The following PLS3 variants were observed in gnomAD, a reference collection of about 807,000 sequenced individuals.
The protein encoded by PLS3 is plastin-3.
A neutral mutation model predicts 46.5 loss-of-function variants in PLS3; 11 were observed. The ratio of observed to expected loss-of-function variants is 0.24; its 90% CI spans 0.15 to 0.39. The LOEUF is 0.39. Ranked by LOEUF, PLS3 falls within the 10% of genes least tolerant of loss-of-function variation. The pLI is 1.00. For synonymous variants in PLS3, 167 were observed against 162.2 expected (o/e 1.03, Z -0.22); for missense variants, 308 against 461.8 (o/e 0.67, Z 3.05).
intron 3 of PLS3, among the ~76,000 whole-genome samples, chrX:115,624,549 A>G (rs782267903): frequency 9.1e-6 from 1 of 109,374 alleles, no homozygotes; most frequent in African/African-American, 3.6e-5. Flanking sequence ...TTAATCTATT[A>G]GAAAGAACAG....
At chrX:115,567,461 C>G (rs782332782) in intron 1 of PLS3, among the ~76,000 whole-genome samples, 2 of 109,788 alleles carry the variant, frequency 1.8e-5, no homozygotes, top group African/African-American at 6.6e-5. Flanking sequence ...CACGGTGGCA[C>G]GGGCTTGTAG....
intron 1 of PLS3, among the ~76,000 whole-genome samples, chrX:115,585,931 T>G (rs1274443142): frequency 9.0e-6 from 1 of 111,584 alleles, no homozygotes; most frequent in Non-Finnish European, 1.9e-5. Context: ...TTTTAAACCC[T>G]TTCTGTGCTA....
chrX:115,646,957 A>G (rs1556641775), intron 13 of PLS3, among the ~76,000 whole-genome samples: 1 of 112,358 alleles, frequency 8.9e-6, no homozygotes, highest in Non-Finnish European at 1.9e-5. Flanking sequence ...TTATGCCATT[A>G]CCGCTATTGG....
chrX:115,640,164 CATT>C, intron 8 of PLS3: 1 of 1,017,341 alleles, frequency 9.8e-7, no homozygotes, highest in Non-Finnish European at 1.3e-6. Flanking sequence ...TGTTTATTAG[CATT>C]ATTGTATTGA....
chrX:115,592,807 G>A (rs781899560), intron 1 of PLS3, among the ~76,000 whole-genome samples: 14 of 111,129 alleles, frequency 1.3e-4, no homozygotes, highest in South Asian at 3.8e-4. Context: ...TCTTCATCCC[G>A]GGATGAGAAA....
intron 1 of PLS3, among the ~76,000 whole-genome samples, chrX:115,607,284 CAACA>C (rs1458143045): frequency 2.1e-3 from 15 of 7,082 alleles, no homozygotes; most frequent in East Asian, 0.33. Flanking sequence ...ACAACAACAA[CAACA>C]AAAAAAAAAC....
intron 1 of PLS3, among the ~76,000 whole-genome samples, chrX:115,596,996 C>T (rs1364695215): frequency 3.7e-5 from 4 of 108,697 alleles, no homozygotes; most frequent in Non-Finnish European, 7.6e-5. Flanking sequence ...AATACAAAAA[C>T]TAGCCAGGCA....
Position 115,567,075 on chromosome X carries a change from C to G in PLS3, c.-9+5815C>G, listed in dbSNP as rs782288973. ...TGTTTTTCCCCTTTTTAACTAACTA[C>G]TGAGTAGAATTTTGGTCTTCAGTGG... On this transcript the variant is annotated intron_variant, in intron 1 of 15. Coordinates refer to ENST00000355899, the MANE Select transcript of PLS3 (RefSeq NM_005032.7). 1.2e-4 allele frequency among the ~76,000 whole-genome samples: 13 copies of G among 111,995 alleles called. No homozygotes were observed. In the South Asian group the frequency reaches 4.8e-3, roughly 42 times the overall value.
At chrX:115,575,883 T>C (rs1556631125) in intron 1 of PLS3, among the ~76,000 whole-genome samples, 1 of 112,226 alleles carries the variant, frequency 8.9e-6, no homozygotes, top group African/African-American at 3.2e-5. Context: ...TCATCTTTTC[T>C]AAAACTTATT....
intron 1 of PLS3, 79 bp from the exon 2 acceptor site, chrX:115,610,164 C>T: frequency 4.7e-6 from 2 of 423,864 alleles, no homozygotes; most frequent in Non-Finnish European, 4.0e-6. Context: ...TTAAATTATC[C>T]CTAAGATGAG....
chrX:115,623,381 C>T (rs1556637963), intron 3 of PLS3, among the ~76,000 whole-genome samples: 1 of 109,981 alleles, frequency 9.1e-6, no homozygotes, highest in African/African-American at 3.3e-5. Flanking sequence ...ATTAGCCCAG[C>T]CTGGTAGCTC....
intron 4 of PLS3, 89 bp downstream of exon 4, chrX:115,629,416 C>T: frequency 1.3e-6 from 1 of 785,251 alleles, no homozygotes; most frequent in Non-Finnish European, 1.8e-6. Flanking sequence ...AAAACATTAC[C>T]TTCTAATTAA....
intron 2 of PLS3, among the ~76,000 whole-genome samples, chrX:115,618,452 G>T (rs989722367): frequency 9.0e-6 from 1 of 110,975 alleles, no homozygotes; most frequent in Non-Finnish European, 1.9e-5. Flanking sequence ...TGGGCATAGT[G>T]GTGAGAGCCT....
chrX:115,624,181 A>G (rs1246841673), intron 3 of PLS3, among the ~76,000 whole-genome samples: 4 of 90,617 alleles, frequency 4.4e-5, no homozygotes, highest in Admixed American at 1.4e-4. Context: ...GTGAGCCAAG[A>G]TTGTGCCACT....
At chrX:115,584,799 T>C (rs1332944662) in intron 1 of PLS3, among the ~76,000 whole-genome samples, 1 of 111,879 alleles carries the variant, frequency 8.9e-6, no homozygotes, top group Admixed American at 9.6e-5. Flanking sequence ...GGAAAATGAA[T>C]GTATTGCTCA....
At chrX:115,561,563 G>A (rs1203948920) in intron 1 of PLS3, among the ~76,000 whole-genome samples, 1 of 112,197 alleles carries the variant, frequency 8.9e-6, no homozygotes, top group African/African-American at 3.2e-5. Flanking sequence ...CTCTTAACTT[G>A]TTGCCAGTCT....
At chrX:115,576,144 C>T (rs1351624752) in intron 1 of PLS3, among the ~76,000 whole-genome samples, 1 of 112,283 alleles carries the variant, frequency 8.9e-6, no homozygotes, top group Admixed American at 9.5e-5. Flanking sequence ...AAATTAGCCT[C>T]TAACACTTAA....
intron 5 of PLS3, among the ~76,000 whole-genome samples, chrX:115,632,308 T>C (rs1285570044): frequency 9.0e-6 from 1 of 110,791 alleles, no homozygotes; most frequent in Non-Finnish European, 1.9e-5. Context: ...ACATCTAATA[T>C]GTTAGAGCCA....
At chrX:115,589,890 T>A (rs2074333606) in intron 1 of PLS3, among the ~76,000 whole-genome samples, 2 of 111,188 alleles carry the variant, frequency 1.8e-5, no homozygotes, top group South Asian at 7.6e-4. Flanking sequence ...TGAGATGGAG[T>A]CTCTGTGGCC....
Sources: gnomAD v4.1 joint callset for allele counts (sites outside exome capture counted in the v4.1 genomes callset) on GRCh38, gnomAD v4.1.1 for gene constraint, MANE v1.5 for transcripts, NCBI Gene and HGNC (gene_info 2026-07-23, HGNC 2026-07-21) for gene names.